GRHL2: variants seen among roughly 807,000 people sequenced by gnomAD.
GRHL2 encodes grainyhead-like protein 2 homolog.
GRHL2 carries 21 observed loss-of-function variants against 83.8 expected under a neutral mutation model. The ratio of observed to expected loss-of-function variants is 0.25; its 90% confidence interval spans 0.18 to 0.36. The LOEUF (loss-of-function observed/expected upper bound fraction) is 0.36. Among genes scored for constraint, GRHL2 ranks in the 10% least tolerant of loss-of-function variants. The probability of loss-of-function intolerance (pLI) is 1.00; values close to 1 mark genes in which losing one functional copy is unlikely to be tolerated. For synonymous variants in GRHL2, 280 were observed against 278.9 expected, an observed-to-expected ratio of 1.00 and a Z score of -0.04; for missense variants, 623 against 781.8, an observed-to-expected ratio of 0.80 and a Z score of 2.42.
intron 6 of GRHL2, among the ~76,000 whole-genome samples, chr8:101,574,647 G>A (rs774866494): frequency 6.6e-6 from 1 of 152,258 alleles, no homozygotes; most frequent in Non-Finnish European, 1.5e-5. Context: ...ACTCGGGCAT[G>A]CCGCCAGTGC....
At chr8:101,639,654 T>A (rs529409753) in intron 12 of GRHL2, among the ~76,000 whole-genome samples, 1 of 152,230 alleles carries the variant, frequency 6.6e-6, no homozygotes, top group Non-Finnish European at 1.5e-5. Context: ...GAGATAACTT[T>A]CCAGCCTTGA....
chr8:101,512,236 A>G (rs1810481492), intron 1 of GRHL2, among the ~76,000 whole-genome samples: 1 of 152,106 alleles, frequency 6.6e-6, no homozygotes, highest in Non-Finnish European at 1.5e-5. Flanking sequence ...GAAGGGATTC[A>G]TTAAACTTTA....
chr8:101,497,875 G>A (rs1392066832), intron 1 of GRHL2, among the ~76,000 whole-genome samples: 5 of 152,152 alleles, frequency 3.3e-5, no homozygotes, highest in African/African-American at 9.7e-5. Flanking sequence ...ATTTTAACAT[G>A]GATATAAGAC....
chr8:101,571,486 T>G (rs1811820377), intron 5 of GRHL2, among the ~76,000 whole-genome samples: 1 of 70,950 alleles, frequency 1.4e-5, no homozygotes, highest in Non-Finnish European at 3.0e-5. Flanking sequence ...AAGACCCCAT[T>G]ACATAAAAAA....
rs570451642 is a variant in GRHL2, at chr8:101,627,970, G to A, written c.1258-3667G>A. 1.2e-4 allele frequency among the ~76,000 whole-genome samples: 18 copies of A among 152,236 alleles called. No individual in the cohort carries two copies. In the East Asian group the frequency reaches 2.1e-3, roughly 18 times the overall value. On this transcript the variant is annotated intron_variant, in intron 9 of 15. Coordinates refer to ENST00000646743, the MANE Select transcript of GRHL2 (RefSeq NM_024915.4). ...GTTTGAAGCTAGCAGAGATGACTTC[G>A]TAACATTCAAGCAAAGAAACCATCT...
intron 14 of GRHL2, among the ~76,000 whole-genome samples, chr8:101,659,483 C>T (rs1391895919): frequency 6.6e-6 from 1 of 152,120 alleles, no homozygotes; most frequent in East Asian, 1.9e-4. Context: ...GGATTTTTTC[C>T]AGTCACCAGC....
chr8:101,550,314 A>G (rs1357817685), intron 2 of GRHL2, among the ~76,000 whole-genome samples: 3 of 152,124 alleles, frequency 2.0e-5, no homozygotes, highest in Non-Finnish European at 4.4e-5. Context: ...GGTAGTGGGC[A>G]TAGGACCCAA....
In GRHL2 at chr8:101,631,656, G is replaced by A. The variant is rs1813188270; in HGVS notation, c.1277G>A (p.Arg426Gln). The change falls in exon 10 of 16, where the codon CGA becomes CAA. Residue 426 changes from arginine to glutamine, a missense_variant. Coordinates refer to ENST00000646743, the MANE Select transcript of GRHL2 (RefSeq NM_024915.4). ...FCDKGAERKI[R>Q]DEERKQNRKK... ...TATCAGGGAGCAGAAAGAAAAATCC[G>A]AGATGAAGAGCGGAAGCAGAACAGG... is the stretch of plus-strand genomic sequence containing the variant. The A allele has an allele frequency of 6.2e-7, 1 of 1,613,544 alleles. No homozygotes were observed. The highest frequency in any genetic ancestry group is 8.5e-7 in the Non-Finnish European group (1 of 1,179,666).
At chr8:101,663,409 C>T (rs866846575) in intron 14 of GRHL2, among the ~76,000 whole-genome samples, 3 of 151,848 alleles carry the variant, frequency 2.0e-5, no homozygotes, top group South Asian at 2.1e-4. Flanking sequence ...GTCAGGAGTT[C>T]GAGACCAGCC....
the GRHL2 span, among the ~76,000 whole-genome samples, chr8:101,676,141 T>C: frequency 4.0e-5 from 6 of 151,486 alleles, no homozygotes; most frequent in African/African-American, 4.8e-5. Context: ...ATTCAGGACA[T>C]AGGCATGGGC....
intron 8 of GRHL2, among the ~76,000 whole-genome samples, chr8:101,617,641 A>G (rs535068821): frequency 9.1e-4 from 138 of 152,260 alleles, no homozygotes; most frequent in South Asian, 2.7e-3. Context: ...AGTAGCTGGG[A>G]CTACAGGGAT....
intron 9 of GRHL2, among the ~76,000 whole-genome samples, chr8:101,621,411 G>A (rs1289759779): frequency 6.6e-6 from 1 of 152,060 alleles, no homozygotes; most frequent in Non-Finnish European, 1.5e-5. Context: ...AAAGAGATGA[G>A]ATGGAACTCA....
intron 1 of GRHL2, among the ~76,000 whole-genome samples, chr8:101,504,296 G>C (rs978420952): frequency 2.6e-5 from 4 of 152,156 alleles, no homozygotes; most frequent in Admixed American, 6.6e-5. Flanking sequence ...TGTCCTTTTA[G>C]ATTTGCATAT....
At chr8:101,564,009 A>G (rs889739240) in intron 4 of GRHL2, among the ~76,000 whole-genome samples, 3 of 152,188 alleles carry the variant, frequency 2.0e-5, no homozygotes, top group Non-Finnish European at 2.9e-5. Context: ...GTTATCAGTT[A>G]TGTTTGTTGT....
intron 3 of GRHL2, among the ~76,000 whole-genome samples, chr8:101,557,067 T>C (rs1482902405): frequency 1.3e-5 from 2 of 151,904 alleles, no homozygotes; most frequent in African/African-American, 4.8e-5. Flanking sequence ...TCTTTCCTTT[T>C]CTTTTTTTTT....
chr8:101,515,534 G>A (rs572807132), intron 1 of GRHL2, among the ~76,000 whole-genome samples: 15 of 152,310 alleles, frequency 9.8e-5, no homozygotes, highest in East Asian at 1.9e-4. Flanking sequence ...AAACCAAGAC[G>A]TGTTGCATGC....
chr8:101,680,311 C>T, the GRHL2 span, among the ~76,000 whole-genome samples: 2 of 125,030 alleles, frequency 1.6e-5, no homozygotes, highest in Admixed American at 8.4e-5. Flanking sequence ...AACCAACAAA[C>T]ATCAAAAGAG....
intron 1 of GRHL2, among the ~76,000 whole-genome samples, chr8:101,513,858 C>T (rs1041610259): frequency 2.0e-5 from 3 of 152,088 alleles, no homozygotes; most frequent in Admixed American, 6.6e-5. Flanking sequence ...ACTTTCCGTG[C>T]TTTATTATGC....
chr8:101,652,681 A>T (rs536012224), intron 14 of GRHL2, among the ~76,000 whole-genome samples: 74 of 151,312 alleles, frequency 4.9e-4, no homozygotes, highest in Admixed American at 4.6e-3. Context: ...GGCCTCAGAA[A>T]ACCTGTGTTC....
Sources: gnomAD v4.1 joint callset for allele counts (sites outside exome capture counted in the v4.1 genomes callset) on GRCh38, gnomAD v4.1.1 for gene constraint, MANE v1.5 for transcripts, NCBI Gene and HGNC (gene_info 2026-07-23, HGNC 2026-07-21) for gene names.